Variants in PARD6G observed in about 807,000 individuals in gnomAD.
PARD6G encodes par-6 family cell polarity regulator gamma.
A neutral mutation model predicts 10.7 loss-of-function variants in PARD6G; 7 were observed. That is an observed-to-expected ratio of 0.66 (90% CI 0.37 to 1.23). The LOEUF is 1.23. PARD6G is among the 50% of genes most tolerant of loss of function. The pLI is 0.02. For missense variants in PARD6G, 548 were observed against 571.8 expected, an observed-to-expected ratio of 0.96 and a Z score of 0.42; for synonymous variants, 287 against 269.4, an observed-to-expected ratio of 1.07 and a Z score of -0.64.
chr18:80,169,167 T>C, intron 2 of PARD6G: 1 of 167,912 alleles, frequency 6.0e-6, no homozygotes, highest in Non-Finnish European at 1.5e-5. Flanking sequence ...GTAGCCACGG[T>C]CCCGAGACAC....
Position 80,183,259 on chromosome 18 carries a change from G to A in PARD6G, c.295+19451C>T. 1.4e-6 allele frequency: 1 copy of A among 694,170 alleles called. No individual in the cohort carries two copies. The highest frequency in any genetic ancestry group is 1.5e-5 in the South Asian group (1 of 66,818). 43.0% of individuals were successfully genotyped at this position (694,170 alleles called of 1,614,324 possible). ...AAGCTGCAGATAGGCATGGAGAAGA[G>A]CAAAGCCGCATACAGGCATAGTGGA... On this transcript the variant is annotated intron_variant, in intron 2 of 2. Coordinates refer to ENST00000353265, the MANE Select transcript of PARD6G (RefSeq NM_032510.4). This position sits in a 1 kb window ranked among gnomAD's most constrained non-coding sequence, Gnocchi z 4.5.
At chr18:80,242,391 G>A (rs1051647687) in intron 1 of PARD6G, among the ~76,000 whole-genome samples, 6 of 152,212 alleles carry the variant, frequency 3.9e-5, no homozygotes, top group African/African-American at 1.2e-4. Context: ...CCATCCCACC[G>A]GCTGTCGCAC....
chr18:80,214,928 C>A (rs1257669792), intron 1 of PARD6G, among the ~76,000 whole-genome samples: 2 of 150,802 alleles, frequency 1.3e-5, no homozygotes, highest in Non-Finnish European at 3.0e-5. Flanking sequence ...ATGCAAACTG[C>A]CAAAAAAAAG....
In PARD6G at chr18:80,199,229, C is replaced by CT. The variant is rs1354619981; in HGVS notation, c.295+3480_295+3481insA. 2.0e-5 allele frequency among the ~76,000 whole-genome samples: 3 copies of CT among 152,192 alleles called. No individual in the cohort carries two copies. The East Asian group carries it at 5.8e-4, about 29-fold the overall frequency. On this transcript the variant is annotated intron_variant, in intron 2 of 2. Transcript: ENST00000353265. ...TCACAACATTTCATCAATACACAGTCCTTGAATAATGAGAATCAACTTCCA... is the reference window on the plus strand; with the variant it reads ...TCACAACATTTCATCAATACACAGTCTCTTGAATAATGAGAATCAACTTCCA...
chr18:80,159,907 G>T lies in PARD6G; in HGVS notation c.995C>A (p.Ala332Glu). ...GGCCAGGTCCCGCTGCAGCCGCTGC[G>T]CCAGGCCCGCGCCATTGACCCGGGA... ...SLSRVNGAGLAQRLQRDLALD... is the reference protein window; with the variant it reads ...SLSRVNGAGLEQRLQRDLALD... The change falls in exon 3 of 3, where the codon GCG becomes GAG. Residue 332 changes from alanine (A) to glutamate (E), a missense_variant. Around this residue, in one of 2 missense-constraint regions of PARD6G, gnomAD observed 313 missense variants for 279.9 expected, o/e 1.12. Transcript: ENST00000353265. The T allele has an allele frequency of 1.3e-6, 2 of 1,513,422 alleles. No individual in the cohort carries two copies. The highest frequency in any genetic ancestry group is 1.8e-6 in the Non-Finnish European group (2 of 1,137,544). 93.7% of individuals were successfully genotyped at this position (1,513,422 alleles called of 1,614,324 possible). A position where few individuals can be genotyped will look rare whatever the true frequency, so the allele number is the denominator to read the frequency against.
At chr18:80,193,163 C>A (rs572417974) in intron 2 of PARD6G, among the ~76,000 whole-genome samples, 4 of 152,270 alleles carry the variant, frequency 2.6e-5, no homozygotes, top group Admixed American at 1.3e-4. Context: ...TCGCTCCTGA[C>A]CCTGACGTCC....
At position 80,159,964 on chromosome 18, in the gene PARD6G, G is replaced by T. The variant is rs779739006; in HGVS notation, c.938C>A (p.Pro313His). ...IEGTLEPARPPQTPGAPAGSL... is the reference protein window; with the variant it reads ...IEGTLEPARPHQTPGAPAGSL... The stretch of plus-strand genomic sequence containing the variant: ...GCCTGCGGGCGCGCCCGGGGTCTGG[G>T]GGGGACGTGCAGGCTCCAGTGTGCC... Residue 313 changes from proline (P) to histidine (H), a missense_variant, in exon 3 of 3, where the codon CCC becomes CAC. Physicochemically the swap from Pro to His is moderately conservative, Grantham distance 77. Transcript: ENST00000353265. 2 of 1,499,604 alleles carry T rather than the reference G, an allele frequency of 1.3e-6. No individual in the cohort carries two copies. The highest frequency in any genetic ancestry group is 4.9e-5 in the East Asian group (2 of 40,960). The allele number at this position is 1,499,604 out of a possible 1,614,324, so 92.9% of individuals were successfully genotyped here.
At position 80,184,704 on chromosome 18, in the gene PARD6G, C is replaced by T. The variant is rs1208455758; in HGVS notation, c.295+18006G>A. ...AGAAGCCAGGCACCCAGACCATGCA[C>T]CGTATGATTCCTTTCACGTGAAATT... On this transcript the variant is annotated intron_variant, in intron 2 of 2. Coordinates refer to ENST00000353265, the MANE Select transcript of PARD6G (RefSeq NM_032510.4). The surrounding 1 kb of genome is among the most constrained non-coding windows in gnomAD (Gnocchi z 4.5). 1 of 152,316 alleles carries T rather than the reference C, an allele frequency of 6.6e-6. No individual in the cohort carries two copies. Among genetic ancestry groups the T allele is most frequent in the Non-Finnish European group, 1.5e-5 (1 of 68,066 alleles). The allele number at this position is 152,316 out of a possible 1,614,324, so 9.4% of individuals were successfully genotyped here. A position where few individuals can be genotyped will look rare whatever the true frequency, so the allele number is the denominator to read the frequency against.
chr18:80,202,765 G>T lies in PARD6G; in HGVS notation c.240C>A (p.Phe80Leu). 1 of 1,613,978 alleles carries T rather than the reference G, an allele frequency of 6.2e-7. No homozygotes were observed. The highest frequency in any genetic ancestry group is 8.5e-7 in the Non-Finnish European group (1 of 1,180,026). ...GATTTGCACTAGAAACCGCCTTGCA[G>T]AAGTTGTCATCATTGTTGATGGGCA... ...DLLPINNDDN[F>L]CKAVSSANPL... is the part of the protein sequence containing the mutation. The change falls in exon 2 of 3, where the codon TTC becomes TTA. Residue 80 changes from phenylalanine (F) to leucine (L), a missense_variant. By Grantham distance (22) the Phe-to-Leu change is conservative. Coordinates refer to ENST00000353265, the MANE Select transcript of PARD6G (RefSeq NM_032510.4).
chr18:80,178,765 C>T (rs1472132687), intron 2 of PARD6G, among the ~76,000 whole-genome samples: 1 of 152,178 alleles, frequency 6.6e-6, no homozygotes, highest in Non-Finnish European at 1.5e-5. Flanking sequence ...CAGACGTCCA[C>T]GAATCTGGGC....
chr18:80,242,359 A>T (rs781475667), intron 1 of PARD6G, among the ~76,000 whole-genome samples: 1 of 152,202 alleles, frequency 6.6e-6, no homozygotes, highest in Non-Finnish European at 1.5e-5. Flanking sequence ...CAGCCACCCA[A>T]TGGGGAGGCC....
chr18:80,160,409 C>T lies in PARD6G; in HGVS notation c.493G>A (p.Gly165Ser), dbSNP rs765672980. 103 of 1,599,216 alleles carry T rather than the reference C, an allele frequency of 6.4e-5. No individual in the cohort carries two copies. Among genetic ancestry groups the T allele is most frequent in the Non-Finnish European group, 7.5e-5 (88 of 1,173,546 alleles). ...THRRVRLHRHGCEKPLGFYIR... is the reference protein window; with the variant it reads ...THRRVRLHRHSCEKPLGFYIR... Reference sequence around the variant, plus strand: ...TAGAAGCCCAGCGGCTTCTCGCAGCCGTGCCGGTGCAGCCGCACTCGCCGG... The same window carrying T: ...TAGAAGCCCAGCGGCTTCTCGCAGCTGTGCCGGTGCAGCCGCACTCGCCGG... Residue 165 changes from glycine to serine, a missense_variant, in exon 3 of 3, where the codon GGC (glycine) becomes AGC (serine). Gly to Ser is a moderately conservative substitution (Grantham distance 56). This residue lies in a region of PARD6G where 235 missense variants were observed against 291.9 expected (regional missense o/e 0.81). Coordinates refer to ENST00000353265, the MANE Select transcript of PARD6G (RefSeq NM_032510.4).
intron 1 of PARD6G, among the ~76,000 whole-genome samples, chr18:80,210,503 TGTCATC>T (rs1378225756): frequency 2.6e-5 from 4 of 152,180 alleles, no homozygotes; most frequent in Non-Finnish European, 5.9e-5. Context: ...CACTCAGGAC[TGTCATC>T]GTCAGACCTG....
At chr18:80,170,034 C>T (rs1233995579) in intron 2 of PARD6G, 2 of 152,268 alleles carry the variant, frequency 1.3e-5, no homozygotes, top group African/African-American at 2.4e-5. Context: ...ATTAGGGCCT[C>T]GTCCGGTCCC....
rs879771852 is a variant in PARD6G at position 80,204,719 on chromosome 18, C to T, written c.73-1787G>A. 7.2e-5 allele frequency among the ~76,000 whole-genome samples: 11 copies of T among 151,962 alleles called. No individual in the cohort carries two copies. In the East Asian group the frequency reaches 9.7e-4, roughly 13 times the overall value. On this transcript the variant is annotated intron_variant, in intron 1 of 2. Transcript: ENST00000353265. ...ATCCCAGCAGTTTGGGAGGCCAAGG[C>T]GGGCAGATTACTTGAGGTCAGGAGT...
chr18:80,216,758 T>C (rs1463512941), intron 1 of PARD6G, among the ~76,000 whole-genome samples: 3 of 151,838 alleles, frequency 2.0e-5, no homozygotes, highest in Non-Finnish European at 4.4e-5. Context: ...TAGAAAATAA[T>C]AGCGGTTAGG....
rs545865269 is a variant in PARD6G, at chr18:80,177,016, C to T, written c.296-16410G>A. Among the ~76,000 whole-genome samples, 229 of 105,670 alleles carry T rather than the reference C, an allele frequency of 2.2e-3. 2 individuals carry two copies. The highest frequency in any genetic ancestry group is 7.6e-3 in the African/African-American group (213 of 27,908). The allele number at this position is 105,670 out of a possible 152,430, so 69.3% of individuals were successfully genotyped here. On this transcript the variant is annotated intron_variant, in intron 2 of 2. Transcript: ENST00000353265. ...ACAGCCCAAAAGAGAAGCACGTGCG[C>T]GCGCGCGTGCACACACACACACACA...
chr18:80,205,422 C>T (rs1362086227), intron 1 of PARD6G, among the ~76,000 whole-genome samples: 1 of 152,188 alleles, frequency 6.6e-6, no homozygotes, highest in African/African-American at 2.4e-5. Flanking sequence ...GCATCTGTGT[C>T]CCCACCCAGG....
Position 80,184,658 on chromosome 18 carries a change from A to G in PARD6G, c.295+18052T>C, listed in dbSNP as rs1197168506. 6.6e-6 allele frequency: 1 copy of G among 152,448 alleles called. No individual in the cohort carries two copies. 9.4% of individuals were successfully genotyped at this position (152,448 alleles called of 1,614,324 possible). On this transcript the variant is annotated intron_variant, in intron 2 of 2. Transcript: ENST00000353265. The surrounding 1 kb of genome is among the most constrained non-coding windows in gnomAD (Gnocchi z 4.5). ...GATGACCCCACGGACACGCCACCAA[A>G]GCACCATCATGCTGAGTGACAGAAG...
Sources: allele counts gnomAD v4.1 joint callset (sites outside exome capture counted in the v4.1 genomes callset), GRCh38; gene constraint gnomAD v4.1.1; regional missense constraint gnomAD v4.1.1; non-coding constraint Gnocchi (gnomAD v3.1); transcripts MANE v1.5; gene names NCBI Gene and HGNC (gene_info 2026-07-23, HGNC 2026-07-21).